Variants in CNTN5 observed in about 807,000 individuals in gnomAD.
The protein encoded by CNTN5 is contactin-5.
CNTN5 carries 77 observed loss-of-function variants against 129.1 expected under a neutral mutation model. The ratio of observed to expected loss-of-function variants is 0.60; its 90% CI spans 0.50 to 0.72. CNTN5 has a LOEUF of 0.72. CNTN5 is among the 30% of genes least tolerant of loss of function. The pLI is 0.00. For missense variants in CNTN5, 1,478 were observed against 1,328.8 expected, an observed-to-expected ratio of 1.11 and a Z score of -1.75; for synonymous variants, 509 against 465.6, an observed-to-expected ratio of 1.09 and a Z score of -1.20.
chr11:99,965,275 C>A (rs906560758), intron 8 of CNTN5, among the ~76,000 whole-genome samples: 1 of 151,978 alleles, frequency 6.6e-6, no homozygotes, highest in Admixed American at 6.6e-5. Flanking sequence ...TTAGATGTTT[C>A]CTGCTTTCTC....
chr11:99,480,008 T>A (rs1945529845), intron 2 of CNTN5, among the ~76,000 whole-genome samples: 1 of 112,530 alleles, frequency 8.9e-6, no homozygotes, highest in African/African-American at 3.2e-5. Context: ...CAAAACAGTT[T>A]CATTGGCTAA....
At chr11:99,025,649 C>T (rs1452969355) in intron 1 of CNTN5, among the ~76,000 whole-genome samples, 1 of 151,658 alleles carries the variant, frequency 6.6e-6, no homozygotes, top group Non-Finnish European at 1.5e-5. Flanking sequence ...GAGATGCTCT[C>T]ATCGAGAGAT....
At chr11:99,812,837 C>T (rs934063428) in intron 3 of CNTN5, among the ~76,000 whole-genome samples, 2 of 152,016 alleles carry the variant, frequency 1.3e-5, no homozygotes, top group Non-Finnish European at 2.9e-5. Context: ...GCGATGATGG[C>T]GGTACTGTAA....
chr11:99,553,993 C>CACAA (rs1555025661), intron 2 of CNTN5, among the ~76,000 whole-genome samples: 822 of 81,606 alleles, frequency 0.01, 8 homozygotes, highest in African/African-American at 0.033. Context: ...CACACACACA[C>CACAA]ACATACACAC....
chr11:99,848,615 C>T (rs1947777284), intron 6 of CNTN5, among the ~76,000 whole-genome samples: 1 of 152,120 alleles, frequency 6.6e-6, no homozygotes, highest in Non-Finnish European at 1.5e-5. Context: ...CAAAACTTTT[C>T]ACTGATACAG....
At chr11:99,544,009 A>G (rs1948204752) in intron 2 of CNTN5, among the ~76,000 whole-genome samples, 1 of 151,950 alleles carries the variant, frequency 6.6e-6, no homozygotes, top group African/African-American at 2.4e-5. Flanking sequence ...ATTGTGTTAA[A>G]CTATTCTTGT....
At chr11:99,128,590 C>G (rs1565339979) in intron 1 of CNTN5, among the ~76,000 whole-genome samples, 3 of 152,180 alleles carry the variant, frequency 2.0e-5, no homozygotes, top group Admixed American at 6.5e-5. Context: ...GGGGACTCCC[C>G]CAGCACAGCA....
At chr11:99,519,146 T>C (rs1947173755) in intron 2 of CNTN5, among the ~76,000 whole-genome samples, 1 of 152,042 alleles carries the variant, frequency 6.6e-6, no homozygotes, top group Non-Finnish European at 1.5e-5. Flanking sequence ...TTATCCTTTG[T>C]ACTTAGACTG....
At chr11:99,656,044 A>G (rs1019555298) in intron 3 of CNTN5, among the ~76,000 whole-genome samples, 2 of 151,420 alleles carry the variant, frequency 1.3e-5, no homozygotes, top group Non-Finnish European at 2.9e-5. Flanking sequence ...GTATGTGTGT[A>G]TATAGGTATA....
chr11:100,194,885 C>T (rs143148074), intron 15 of CNTN5, among the ~76,000 whole-genome samples: 1 of 149,824 alleles, frequency 6.7e-6, no homozygotes, highest in African/African-American at 2.4e-5. Context: ...CTATTCCTTT[C>T]TTCCTGGTTT....
At chr11:99,713,240 T>A (rs1955075552) in intron 3 of CNTN5, among the ~76,000 whole-genome samples, 1 of 152,120 alleles carries the variant, frequency 6.6e-6, no homozygotes, top group Admixed American at 6.6e-5. Context: ...TTATTATCTT[T>A]GTAGCAATTG....
At chr11:100,163,139 C>CA (rs150623974) in intron 13 of CNTN5, among the ~76,000 whole-genome samples, 5,833 of 151,636 alleles carry the variant, frequency 0.038, 362 homozygotes, top group African/African-American at 0.13. Context: ...AAATTAAAAA[C>CA]AAAAAAATTG....
chr11:99,523,431 C>T (rs35433458), intron 2 of CNTN5, among the ~76,000 whole-genome samples: 2,473 of 151,920 alleles, frequency 0.016, 110 homozygotes, highest in Admixed American at 0.094. Flanking sequence ...CCCATCTCTA[C>T]AAAAAACACA....
intron 1 of CNTN5, among the ~76,000 whole-genome samples, chr11:99,269,598 GT>G (rs1863078425): frequency 1.3e-5 from 2 of 151,724 alleles, no homozygotes; most frequent in Admixed American, 6.6e-5. Context: ...TCAATGTAAG[GT>G]CTTCCTTCAT....
intron 2 of CNTN5, among the ~76,000 whole-genome samples, chr11:99,515,602 C>A (rs1388807524): frequency 6.6e-6 from 1 of 151,902 alleles, no homozygotes; most frequent in Non-Finnish European, 1.5e-5. Flanking sequence ...AAAGTAGGAA[C>A]ATATTTTAAA....
At chr11:99,181,762 A>G (rs989871888) in intron 1 of CNTN5, among the ~76,000 whole-genome samples, 8 of 152,176 alleles carry the variant, frequency 5.3e-5, no homozygotes, top group African/African-American at 1.9e-4. Flanking sequence ...TCTGATGGAC[A>G]CTGTACCCAT....
intron 9 of CNTN5, among the ~76,000 whole-genome samples, chr11:100,039,140 A>C (rs1081359): frequency 1.3e-5 from 2 of 152,028 alleles, no homozygotes; most frequent in African/African-American, 2.4e-5. Context: ...TGCTTCCTTC[A>C]GTAGCTCTTT....
At chr11:99,723,637 C>T (rs1237304940) in intron 3 of CNTN5, among the ~76,000 whole-genome samples, 1 of 152,102 alleles carries the variant, frequency 6.6e-6, no homozygotes, top group African/African-American at 2.4e-5. Context: ...ATTGTGCATT[C>T]TTCCCCCTCC....
At position 100,224,747 on chromosome 11, in the gene CNTN5, G is replaced by C; in HGVS notation, c.1940G>C (p.Arg647Thr). The change falls in exon 16 of 25, where the codon AGA becomes ACA. Residue 647 changes from arginine (R) to threonine (T), a missense_variant. Physicochemically the swap from Arg to Thr is moderately conservative, Grantham distance 71. Coordinates refer to ENST00000524871, the MANE Select transcript of CNTN5 (RefSeq NM_014361.4). Reference protein sequence around the residue: ...IRNILLMHAGRYGCRVQTTAD... With the variant: ...IRNILLMHAGTYGCRVQTTAD... ...AACATCCTTCTGATGCATGCTGGGA[G>C]ATATGGCTGCAGGGTACAGACCACA... 6.2e-7 allele frequency: 1 copy of C among 1,613,006 alleles called. No homozygotes were observed. Among genetic ancestry groups the C allele is most frequent in the South Asian group, 1.1e-5 (1 of 91,036 alleles).
Sources: gnomAD v4.1 joint callset for allele counts (sites outside exome capture counted in the v4.1 genomes callset) on GRCh38, gnomAD v4.1.1 for gene constraint, MANE v1.5 for transcripts, NCBI Gene and HGNC (gene_info 2026-07-23, HGNC 2026-07-21) for gene names.